Variants in USP47 observed in about 807,000 individuals in gnomAD.
The protein encoded by USP47 is ubiquitin specific peptidase 47, also known as ubiquitin carboxyl-terminal hydrolase 47.
In USP47, 35 loss-of-function variants were observed where a neutral mutation model predicts 165.1. The observed-to-expected ratio is 0.21, with a 90% CI of 0.16 to 0.28. The LOEUF (loss-of-function observed/expected upper bound fraction) is 0.28. Ranked by LOEUF, USP47 falls within the 10% of genes least tolerant of loss-of-function variation. The pLI, the probability that USP47 is intolerant of heterozygous loss-of-function variation, is 1.00. For synonymous variants in USP47, 531 were observed against 544.5 expected (o/e 0.98, Z 0.35); for missense variants, 1,277 against 1,607.4 (o/e 0.79, Z 3.52).
chr11:11,933,021 G>A lies in USP47; in HGVS notation c.1669G>A (p.Glu557Lys), dbSNP rs778075908. The A allele has an allele frequency of 4.3e-6, 7 of 1,612,482 alleles. No homozygotes were observed. The African/African-American group carries it at 8.0e-5, about 18-fold the overall frequency. ...ACTAATAGAATTTCTAGAAGTGGAT[G>A]AATACCCAGAACATATTAAAAACTT... The part of the protein sequence containing the change: ...ARNAKFLEVD[E>K]YPEHIKNLVQ... Residue 557 changes from glutamate to lysine, a missense_variant, in exon 15 of 28, where the codon GAA becomes AAA. Around this residue, in one of 4 missense-constraint regions of USP47, gnomAD observed 909 missense variants for 1,068.1 expected, o/e 0.85. Coordinates refer to ENST00000527733, the MANE Select transcript of USP47 (RefSeq NM_001282659.2).
intron 8 of USP47, among the ~76,000 whole-genome samples, chr11:11,910,040 C>G (rs1329237702): frequency 6.6e-6 from 1 of 152,176 alleles, no homozygotes; most frequent in Admixed American, 6.5e-5. Context: ...TCCACAGACT[C>G]TACCCTCATT....
chr11:11,899,562 G>C (rs985090426), intron 5 of USP47, among the ~76,000 whole-genome samples: 3 of 152,102 alleles, frequency 2.0e-5, no homozygotes, highest in Non-Finnish European at 4.4e-5. Flanking sequence ...GTCAGGAGAA[G>C]AGGAGGGGAG....
chr11:11,871,037 A>G (rs1850003504), intron 1 of USP47, among the ~76,000 whole-genome samples: 2 of 152,022 alleles, frequency 1.3e-5, no homozygotes, highest in South Asian at 4.1e-4. Context: ...TTGTTCTTAG[A>G]TGCAGATGGT....
chr11:11,934,511 G>T (rs1009572239), intron 16 of USP47, among the ~76,000 whole-genome samples: 1 of 152,086 alleles, frequency 6.6e-6, no homozygotes, highest in Non-Finnish European at 1.5e-5. Context: ...AGTCAGATGC[G>T]TTACCCATTC....
chr11:11,906,166 A>G (rs1307744638), intron 8 of USP47, among the ~76,000 whole-genome samples: 2 of 151,990 alleles, frequency 1.3e-5, no homozygotes, highest in African/African-American at 4.8e-5. Flanking sequence ...CTTTTTTATA[A>G]TTTTTTAATT....
At chr11:11,947,752 T>G (rs1313671356) in intron 20 of USP47, among the ~76,000 whole-genome samples, 193 bp from the exon 21 acceptor site, 1 of 152,188 alleles carries the variant, frequency 6.6e-6, no homozygotes, top group Non-Finnish European at 1.5e-5. Flanking sequence ...TTTTAAGCTG[T>G]CAGATAAAAC....
chr11:11,851,901 C>A (rs1315620786), intron 1 of USP47, among the ~76,000 whole-genome samples: 9 of 152,080 alleles, frequency 5.9e-5, no homozygotes, highest in Admixed American at 5.9e-4. Context: ...GGGATGTGTT[C>A]TTCTTAGTGC....
intron 18 of USP47, among the ~76,000 whole-genome samples, chr11:11,938,738 A>G (rs942448870): frequency 6.6e-6 from 1 of 152,004 alleles, no homozygotes; most frequent in African/African-American, 2.4e-5. Context: ...GCAATGCTGC[A>G]TTTAGTGTCT....
intron 1 of USP47, among the ~76,000 whole-genome samples, chr11:11,877,063 A>G (rs1850473028): frequency 6.6e-6 from 1 of 151,960 alleles, no homozygotes; most frequent in African/African-American, 2.4e-5. Flanking sequence ...TCCAGAAAAA[A>G]CCTTTTTACA....
At chr11:11,878,550 T>C (rs1270267448) in intron 1 of USP47, 1 of 152,144 alleles carries the variant, frequency 6.6e-6, no homozygotes, top group Non-Finnish European at 1.5e-5. Flanking sequence ...ACATCTAAAA[T>C]ATATAGGTGA....
intron 16 of USP47, among the ~76,000 whole-genome samples, chr11:11,936,099 A>G: frequency 6.6e-6 from 1 of 151,766 alleles, no homozygotes; most frequent in African/African-American, 2.4e-5. Flanking sequence ...TGGAGGGATA[A>G]TGAAACATAA....
At chr11:11,861,421 T>C (rs1278551574) in intron 1 of USP47, among the ~76,000 whole-genome samples, 1 of 152,140 alleles carries the variant, frequency 6.6e-6, no homozygotes, top group African/African-American at 2.4e-5. Context: ...TGTAGTTGTA[T>C]GTTGAGTGTG....
At chr11:11,865,787 C>A (rs1849642669) in intron 1 of USP47, among the ~76,000 whole-genome samples, 1 of 151,884 alleles carries the variant, frequency 6.6e-6, no homozygotes. Flanking sequence ...CTGATGTTGA[C>A]CATCTTTTTA....
At chr11:11,862,635 G>A (rs1849448224) in intron 1 of USP47, among the ~76,000 whole-genome samples, 1 of 152,134 alleles carries the variant, frequency 6.6e-6, no homozygotes, top group Non-Finnish European at 1.5e-5. Flanking sequence ...AGATATTCTG[G>A]ATGTAATTTG....
chr11:11,898,136 C>CGT (rs144672685), intron 5 of USP47, among the ~76,000 whole-genome samples: 83 of 94,144 alleles, frequency 8.8e-4, no homozygotes, highest in Non-Finnish European at 1.5e-3. Context: ...CGTGTGTGTG[C>CGT]GTGTGTGTGT....
At position 11,880,352 on chromosome 11, in the gene USP47, G is replaced by A; in HGVS notation, c.215G>A (p.Trp72Ter). The change falls in exon 2 of 28, where the codon TGG (tryptophan) becomes TAG (stop). Residue 72 changes from tryptophan to a stop codon, truncating the protein, a stop_gained. Coordinates refer to ENST00000527733, the MANE Select transcript of USP47 (RefSeq NM_001282659.2). LOFTEE classifies it high-confidence loss of function. The part of the protein sequence containing the change: ...GYINGTFDLV[W>*]GNGINTADMA... ...ATAAATGGAACCTTTGACTTGGTGTGGGGAAATGGAATCAATACTGCTGAT... is the reference window on the plus strand; with the variant it reads ...ATAAATGGAACCTTTGACTTGGTGTAGGGAAATGGAATCAATACTGCTGAT... 1 of 1,348,724 alleles carries A rather than the reference G, an allele frequency of 7.4e-7. No individual in the cohort carries two copies. 83.5% of individuals were successfully genotyped at this position (1,348,724 alleles called of 1,614,324 possible).
At chr11:11,925,728 C>T (rs1157596716) in intron 11 of USP47, among the ~76,000 whole-genome samples, 1 of 150,868 alleles carries the variant, frequency 6.6e-6, no homozygotes, top group African/African-American at 2.4e-5. Flanking sequence ...ATTTGGATAT[C>T]TTTTATTTCT....
chr11:11,852,447 C>T (rs552254705), intron 1 of USP47, among the ~76,000 whole-genome samples: 1 of 152,146 alleles, frequency 6.6e-6, no homozygotes. Flanking sequence ...CTTCTGTGCT[C>T]ATCCTTGCTT....
chr11:11,945,039 T>C (rs1321609509), intron 20 of USP47, among the ~76,000 whole-genome samples: 1 of 152,234 alleles, frequency 6.6e-6, no homozygotes, highest in Non-Finnish European at 1.5e-5. Context: ...GCTAATTTCC[T>C]AGTGTTCATT....
Sources: allele counts gnomAD v4.1 joint callset (sites outside exome capture counted in the v4.1 genomes callset), GRCh38; gene constraint gnomAD v4.1.1; regional missense constraint gnomAD v4.1.1; transcripts MANE v1.5; gene names NCBI Gene and HGNC (gene_info 2026-07-23, HGNC 2026-07-21).